Variants in KALRN observed in about 807,000 individuals in gnomAD.
KALRN encodes kalirin RhoGEF kinase.
A neutral mutation model predicts 353.7 loss-of-function variants in KALRN; 70 were observed. The ratio of observed to expected loss-of-function variants is 0.20; its 90% CI spans 0.16 to 0.24. The LOEUF is 0.24. Ranked by LOEUF, KALRN falls within the 10% of genes least tolerant of loss-of-function variation. The pLI is 1.00. For missense variants in KALRN, 2,791 were observed against 3,756.7 expected (o/e 0.74, Z 6.72); for synonymous variants, 1,391 against 1,434.8 (o/e 0.97, Z 0.69).
chr3:124,460,417 T>G (rs953748293), intron 23 of KALRN, among the ~76,000 whole-genome samples: 1 of 152,144 alleles, frequency 6.6e-6, no homozygotes, highest in African/African-American at 2.4e-5. Flanking sequence ...GAAAGACAGG[T>G]AAAACTGCAG....
At chr3:124,295,783 T>A (rs2149186970) in intron 5 of KALRN, among the ~76,000 whole-genome samples, 1 of 152,316 alleles carries the variant, frequency 6.6e-6, no homozygotes, top group African/African-American at 2.4e-5. Flanking sequence ...AAAATAGGGC[T>A]GGGAGGCAGA....
rs2080875737 is a variant in KALRN at position 124,334,054 on chromosome 3, A to C, written c.1417-211A>C. On this transcript the variant is annotated intron_variant, in intron 8 of 59. Coordinates refer to ENST00000682506, the MANE Select transcript of KALRN (RefSeq NM_001388419.1). The surrounding 1 kb of genome is among the most constrained non-coding windows in gnomAD (Gnocchi z 4.2). ...CAGACAACTGGCCAGCACTCCAGCA[A>C]CTCCCACATCAGGGGATTCCAGCTG... Among the ~76,000 whole-genome samples, 1 of 152,104 alleles carries C rather than the reference A, an allele frequency of 6.6e-6. No individual in the cohort carries two copies. Among genetic ancestry groups the C allele is most frequent in the Non-Finnish European group, 1.5e-5 (1 of 68,002 alleles).
intron 34 of KALRN, among the ~76,000 whole-genome samples, chr3:124,592,112 C>T (rs1009469461): frequency 6.6e-6 from 1 of 151,928 alleles, no homozygotes; most frequent in Non-Finnish European, 1.5e-5. Context: ...ACCAGCCTGG[C>T]CAACATAGTG....
intron 1 of KALRN, among the ~76,000 whole-genome samples, chr3:124,171,214 A>G (rs766762449): frequency 6.6e-6 from 1 of 152,138 alleles, no homozygotes; most frequent in African/African-American, 2.4e-5. Flanking sequence ...AGTGGATTGA[A>G]ACAACTATTT....
In KALRN at chr3:124,657,804, G is replaced by A. The variant is rs1043231763; in HGVS notation, c.6036+1G>A. 2 of 1,604,200 alleles carry A rather than the reference G, an allele frequency of 1.2e-6. No homozygotes were observed. Among genetic ancestry groups the A allele is most frequent in the Non-Finnish European group, 8.5e-7 (1 of 1,171,066 alleles). On this transcript the variant is annotated splice_donor_variant, in intron 41 of 59. Coordinates refer to ENST00000682506, the MANE Select transcript of KALRN (RefSeq NM_001388419.1). LOFTEE classifies it high-confidence loss of function. ...ATTGGCACAGCTCTTTATTAAGCACGTGAGTGTCTCCCATCACCTCCTCCC... is the reference window on the plus strand; with the variant it reads ...ATTGGCACAGCTCTTTATTAAGCACATGAGTGTCTCCCATCACCTCCTCCC...
intron 34 of KALRN, among the ~76,000 whole-genome samples, chr3:124,626,719 G>T (rs1215427998): frequency 6.6e-6 from 1 of 152,190 alleles, no homozygotes; most frequent in Non-Finnish European, 1.5e-5. Flanking sequence ...TTTTGTTACT[G>T]ATTTGTGACA....
At chr3:124,260,828 C>T (rs1269446147) in intron 3 of KALRN, among the ~76,000 whole-genome samples, 3 of 150,294 alleles carry the variant, frequency 2.0e-5, no homozygotes, top group African/African-American at 7.3e-5. Flanking sequence ...CTCAATATGC[C>T]ATGCTCTTTT....
intron 34 of KALRN, among the ~76,000 whole-genome samples, chr3:124,583,647 G>A (rs1465691793): frequency 6.6e-6 from 1 of 152,104 alleles, no homozygotes; most frequent in Non-Finnish European, 1.5e-5. Context: ...TGAGAAGGGA[G>A]GAGGACTGGT....
intron 10 of KALRN, among the ~76,000 whole-genome samples, chr3:124,356,403 G>A (rs1325156167): frequency 5.5e-5 from 8 of 145,130 alleles, no homozygotes; most frequent in South Asian, 2.2e-4. Context: ...GCGCGATTTC[G>A]GCTCACTGCA....
intron 1 of KALRN, among the ~76,000 whole-genome samples, chr3:124,173,918 G>A (rs558022938): frequency 6.6e-6 from 1 of 152,072 alleles, no homozygotes; most frequent in East Asian, 1.9e-4. Context: ...CTGTGCTTTT[G>A]AATGGCCATG....
chr3:124,330,260 A>T (rs879482596), intron 8 of KALRN, among the ~76,000 whole-genome samples: 7,690 of 150,808 alleles, frequency 0.051, 656 homozygotes, highest in African/African-American at 0.17. Flanking sequence ...ACACACACAC[A>T]CACACACACA....
At chr3:124,236,512 A>G (rs78186018) in intron 3 of KALRN, among the ~76,000 whole-genome samples, 2,725 of 152,312 alleles carry the variant, frequency 0.018, 137 homozygotes, top group East Asian at 0.14. Flanking sequence ...GCTGTGATGA[A>G]CTCTCAGTTC....
intron 3 of KALRN, among the ~76,000 whole-genome samples, chr3:124,248,220 C>T (rs770050260): frequency 1.3e-5 from 2 of 152,136 alleles, no homozygotes; most frequent in Non-Finnish European, 2.9e-5. Context: ...TTCAATTAGA[C>T]TGGAGGCTCC....
At chr3:124,223,893 A>G (rs2078197761) in intron 1 of KALRN, among the ~76,000 whole-genome samples, 1 of 152,178 alleles carries the variant, frequency 6.6e-6, no homozygotes, top group Non-Finnish European at 1.5e-5. Context: ...GAGCAAGGAG[A>G]AGCAAAAGTG....
At chr3:124,401,048 A>G (rs1446751584) in intron 13 of KALRN, among the ~76,000 whole-genome samples, 1 of 152,210 alleles carries the variant, frequency 6.6e-6, no homozygotes, top group African/African-American at 2.4e-5. Flanking sequence ...AGCTGGGGGC[A>G]TCGCAAGTGT....
intron 1 of KALRN, among the ~76,000 whole-genome samples, chr3:124,043,421 G>C (rs1394660097): frequency 6.6e-6 from 1 of 152,154 alleles, no homozygotes; most frequent in Non-Finnish European, 1.5e-5. Context: ...ATTTAGAAAA[G>C]ACAGAAGTAA....
chr3:124,457,776 T>C (rs1235575073), intron 23 of KALRN, among the ~76,000 whole-genome samples: 1 of 152,250 alleles, frequency 6.6e-6, no homozygotes, highest in Non-Finnish European at 1.5e-5. Flanking sequence ...TTCTTTGATT[T>C]CTTTCCATTA....
At chr3:124,185,026 T>A (rs1199071539) in intron 1 of KALRN, among the ~76,000 whole-genome samples, 4 of 152,164 alleles carry the variant, frequency 2.6e-5, no homozygotes, top group African/African-American at 9.7e-5. Context: ...TGTTTTGTTT[T>A]GCTTTTGAGA....
At chr3:124,628,785 T>C (rs79277528) in intron 34 of KALRN, among the ~76,000 whole-genome samples, 4,863 of 144,052 alleles carry the variant, frequency 0.034, 108 homozygotes, top group East Asian at 0.087. Context: ...AGACGGAGTC[T>C]TGCCATGATG....
Sources: allele counts gnomAD v4.1 joint callset (sites outside exome capture counted in the v4.1 genomes callset), GRCh38; gene constraint gnomAD v4.1.1; non-coding constraint Gnocchi (gnomAD v3.1); transcripts MANE v1.5; gene names NCBI Gene and HGNC (gene_info 2026-07-23, HGNC 2026-07-21).